The following GNG7 variants were observed in gnomAD, a reference collection of about 807,000 sequenced individuals.
The protein encoded by GNG7 is guanine nucleotide-binding protein G(I)/G(S)/G(O) subunit gamma-7.
Under a neutral mutation model 4.0 loss-of-function variants are expected in GNG7, and 1 was observed. The ratio of observed to expected loss-of-function variants is 0.25; its 90% CI spans 0.09 to 1.18. The LOEUF is 1.18. Ranked by LOEUF, GNG7 falls within the 50% of genes most tolerant of loss-of-function variation. The probability of loss-of-function intolerance (pLI) is 0.50; values close to 1 mark genes in which losing one functional copy is unlikely to be tolerated. For missense variants in GNG7, 86 were observed against 91.9 expected, an observed-to-expected ratio of 0.94 and a Z score of 0.26; for synonymous variants, 34 against 36.9, an observed-to-expected ratio of 0.92 and a Z score of 0.29.
At chr19:2,619,293 T>C (rs1981804421) in intron 2 of GNG7, among the ~76,000 whole-genome samples, 1 of 152,210 alleles carries the variant, frequency 6.6e-6, no homozygotes, top group Non-Finnish European at 1.5e-5. Flanking sequence ...TAAAGTTTTA[T>C]TGGCACACGG....
intron 3 of GNG7, among the ~76,000 whole-genome samples, chr19:2,529,430 C>T (rs1464295859): frequency 6.6e-6 from 1 of 152,222 alleles, no homozygotes; most frequent in African/African-American, 2.4e-5. Context: ...GTTGGCCAGG[C>T]TGGTCTCGAA....
Position 2,513,233 on chromosome 19 carries a change from C to G in GNG7, c.*1789G>C, listed in dbSNP as rs1972680636. 1.4e-6 allele frequency: 1 copy of G among 722,448 alleles called. No individual in the cohort carries two copies. Among genetic ancestry groups the G allele is most frequent in the Admixed American group, 6.3e-5 (1 of 15,948 alleles). The allele number at this position is 722,448 out of a possible 1,614,324, so 44.8% of individuals were successfully genotyped here. On this transcript the variant is annotated 3_prime_UTR_variant, in exon 5 of 5. Transcript: ENST00000382159. ...CAGGGATCCCCGCCTCACGGGCCTG[C>G]ACGGAGGACCTGGGCGGCCGTCCAG...
chr19:2,645,977 G>A (rs1256997980), intron 2 of GNG7, among the ~76,000 whole-genome samples: 3 of 152,062 alleles, frequency 2.0e-5, no homozygotes, highest in African/African-American at 7.2e-5. Flanking sequence ...CCATCCAGGG[G>A]CTCCGGCACC....
intron 3 of GNG7, among the ~76,000 whole-genome samples, chr19:2,549,291 G>GT (rs1334976682): frequency 8.4e-6 from 1 of 119,342 alleles, no homozygotes; most frequent in African/African-American, 3.2e-5. Flanking sequence ...AAACAGGGCT[G>GT]TGTTTTTTTT....
At chr19:2,522,948 T>G (rs1163819693) in intron 3 of GNG7, among the ~76,000 whole-genome samples, 1 of 145,080 alleles carries the variant, frequency 6.9e-6, no homozygotes, top group Non-Finnish European at 1.5e-5. Context: ...CACTGCAAGC[T>G]CCGCTTCTCC....
intron 2 of GNG7, among the ~76,000 whole-genome samples, chr19:2,640,213 C>T (rs1012595240): frequency 5.9e-5 from 7 of 117,764 alleles, no homozygotes; most frequent in African/African-American, 2.3e-4. Flanking sequence ...GGGAGGAAGG[C>T]GAGAGAAAGA....
intron 2 of GNG7, among the ~76,000 whole-genome samples, chr19:2,645,570 T>C (rs1447372686): frequency 1.8e-4 from 27 of 151,962 alleles, no homozygotes; most frequent in Admixed American, 1.3e-3. Flanking sequence ...AAATTTTGTT[T>C]TAAGATTTTT....
chr19:2,678,741 C>T (rs992428974), intron 1 of GNG7, among the ~76,000 whole-genome samples: 1 of 152,148 alleles, frequency 6.6e-6, no homozygotes, highest in Non-Finnish European at 1.5e-5. Context: ...GTAACTACTT[C>T]TCTCAAGGGG....
intron 3 of GNG7, among the ~76,000 whole-genome samples, chr19:2,539,585 G>A (rs1345568658): frequency 1.3e-5 from 2 of 152,054 alleles, no homozygotes; most frequent in Non-Finnish European, 2.9e-5. Flanking sequence ...GATTACAGGC[G>A]GGAGACACTG....
At chr19:2,688,877 G>C (rs1913066760) in intron 1 of GNG7, among the ~76,000 whole-genome samples, 2 of 151,794 alleles carry the variant, frequency 1.3e-5, no homozygotes, top group African/African-American at 4.8e-5. Context: ...ACCAGCCTAG[G>C]CAAAATAGCG....
chr19:2,606,508 A>G (rs1029224246), intron 2 of GNG7, among the ~76,000 whole-genome samples: 6 of 151,964 alleles, frequency 3.9e-5, no homozygotes, highest in Non-Finnish European at 5.9e-5. Context: ...TACAAAAATT[A>G]GCTGGGTGTG....
intron 2 of GNG7, chr19:2,631,870 T>C (rs1982168201): frequency 6.6e-6 from 1 of 152,194 alleles, no homozygotes; most frequent in Non-Finnish European, 1.5e-5. Flanking sequence ...TGCTAACTTC[T>C]AAAATGAAGC....
intron 2 of GNG7, among the ~76,000 whole-genome samples, chr19:2,575,953 A>G (rs1980321067): frequency 1.7e-5 from 2 of 116,370 alleles, no homozygotes; most frequent in African/African-American, 1.3e-4. Context: ...ACAAAGGCAG[A>G]CACATGCAGA....
At position 2,513,670 on chromosome 19, in the gene GNG7, G is replaced by T; in HGVS notation, c.*1352C>A. Reference sequence around the variant, plus strand: ...GGTTCGAGCGACAGGGTAACGTTTTGAGCGGACGTTTTGATCTCCGGGACA... The same window carrying T: ...GGTTCGAGCGACAGGGTAACGTTTTTAGCGGACGTTTTGATCTCCGGGACA... On this transcript the variant is annotated 3_prime_UTR_variant, in exon 5 of 5. Transcript: ENST00000382159. 1.6e-6 allele frequency: 1 copy of T among 640,952 alleles called. No homozygotes were observed. The highest frequency in any genetic ancestry group is 1.9e-6 in the Non-Finnish European group (1 of 515,706). 39.7% of individuals were successfully genotyped at this position (640,952 alleles called of 1,614,324 possible).
intron 2 of GNG7, among the ~76,000 whole-genome samples, chr19:2,624,228 A>C (rs917197896): frequency 2.0e-5 from 3 of 151,896 alleles, no homozygotes; most frequent in African/African-American, 7.3e-5. Context: ...ATTTTACCAC[A>C]ATTAAAAAAA....
At chr19:2,526,320 G>C (rs1978394908) in intron 3 of GNG7, among the ~76,000 whole-genome samples, 1 of 150,440 alleles carries the variant, frequency 6.6e-6, no homozygotes, top group Non-Finnish European at 1.5e-5. Flanking sequence ...GGCCAGGCTG[G>C]TCTCAAACGC....
At chr19:2,573,973 G>A (rs765434784) in intron 2 of GNG7, among the ~76,000 whole-genome samples, 8 of 152,222 alleles carry the variant, frequency 5.3e-5, no homozygotes, top group Non-Finnish European at 8.8e-5. Flanking sequence ...TGGGTGCCAC[G>A]GACCAGCTGC....
At chr19:2,538,775 T>C (rs1158498426) in intron 3 of GNG7, 3 of 404,386 alleles carry the variant, frequency 7.4e-6, no homozygotes, top group Admixed American at 6.5e-5. Flanking sequence ...TTTCTTTTTT[T>C]TCTTTTTTTT....
At chr19:2,690,883 C>T (rs368286702) in intron 1 of GNG7, among the ~76,000 whole-genome samples, 5 of 152,282 alleles carry the variant, frequency 3.3e-5, no homozygotes, top group African/African-American at 1.2e-4. Flanking sequence ...TGCGAGCCAC[C>T]GCGCCCGGCC....
Sources: gnomAD v4.1 joint callset for allele counts (sites outside exome capture counted in the v4.1 genomes callset) on GRCh38, gnomAD v4.1.1 for gene constraint, MANE v1.5 for transcripts, NCBI Gene and HGNC (gene_info 2026-07-23, HGNC 2026-07-21) for gene names.